RAB31: variants seen among roughly 807,000 people sequenced by gnomAD.
The protein encoded by RAB31 is ras-related protein Rab-31.
In RAB31, 21 loss-of-function variants were observed where a neutral mutation model predicts 25.6. The ratio of observed to expected loss-of-function variants is 0.82; its 90% CI spans 0.58 to 1.18. RAB31 has a LOEUF of 1.18. RAB31 is among the 50% of genes most tolerant of loss of function. The pLI is 0.00. For missense variants in RAB31, 196 were observed against 250.1 expected (o/e 0.78, Z 1.46); for synonymous variants, 87 against 84.0 (o/e 1.04, Z -0.20).
At chr18:9,841,254 A>G (rs983129010) in intron 5 of RAB31, among the ~76,000 whole-genome samples, 8 of 150,314 alleles carry the variant, frequency 5.3e-5, no homozygotes, top group Non-Finnish European at 7.4e-5. Flanking sequence ...AAAGATCTCA[A>G]TTGGGCCAGG....
intron 2 of RAB31, among the ~76,000 whole-genome samples, chr18:9,777,011 A>G (rs77009901): frequency 0.011 from 1,744 of 152,266 alleles, 37 homozygotes; most frequent in African/African-American, 0.04. Flanking sequence ...GGGATGCTCA[A>G]CTGGGTAAGT....
rs117939991 is a variant in RAB31, at chr18:9,812,513, A to T, written c.202-1507A>T. Among the ~76,000 whole-genome samples, 725 of 151,926 alleles carry T rather than the reference A, an allele frequency of 4.8e-3. 3 individuals are homozygous for T. Among genetic ancestry groups the T allele is most frequent in the Non-Finnish European group, 7.6e-3 (514 of 68,012 alleles). On this transcript the variant is annotated intron_variant, in intron 3 of 6. Transcript: ENST00000578921. ...AGCACAAATCTTTTTACAATTTAAT[A>T]ATTTATAAGTGTCTCCTTATTTTTA... is the stretch of plus-strand genomic sequence containing the variant.
At chr18:9,807,722 C>T (rs1279706726) in intron 3 of RAB31, among the ~76,000 whole-genome samples, 1 of 152,010 alleles carries the variant, frequency 6.6e-6, no homozygotes, top group Non-Finnish European at 1.5e-5. Flanking sequence ...GCCTTTAATT[C>T]CAGCACTTTG....
intron 1 of RAB31, among the ~76,000 whole-genome samples, chr18:9,744,056 G>A (rs2068193345): frequency 6.6e-6 from 1 of 152,202 alleles, no homozygotes; most frequent in Non-Finnish European, 1.5e-5. Flanking sequence ...TTTAGCGGTG[G>A]AGTTGCCTCC....
chr18:9,746,629 T>C (rs898848724), intron 1 of RAB31, among the ~76,000 whole-genome samples: 7 of 152,360 alleles, frequency 4.6e-5, no homozygotes, highest in Admixed American at 3.3e-4. Context: ...TTATGGTGAC[T>C]GATTTTCAAT....
intron 1 of RAB31, among the ~76,000 whole-genome samples, chr18:9,772,394 T>A (rs974427549): frequency 1.3e-5 from 2 of 151,848 alleles, no homozygotes; most frequent in African/African-American, 4.8e-5. Context: ...AATCGAGGAG[T>A]TGTCTCCTGA....
intron 1 of RAB31, among the ~76,000 whole-genome samples, chr18:9,727,894 A>G (rs1253832112): frequency 1.3e-5 from 2 of 152,256 alleles, no homozygotes; most frequent in African/African-American, 2.4e-5. Context: ...TAATTAACAC[A>G]TTCATTATCT....
At chr18:9,849,813 C>T (rs891240102) in intron 6 of RAB31, among the ~76,000 whole-genome samples, 1 of 152,076 alleles carries the variant, frequency 6.6e-6, no homozygotes, top group Non-Finnish European at 1.5e-5. Flanking sequence ...CAGGAAATGT[C>T]GTGGTGCTTT....
In RAB31 at chr18:9,792,241, T is replaced by C; in HGVS notation, c.201+6T>C. 1.9e-6 allele frequency: 3 copies of C among 1,608,188 alleles called. No individual in the cohort carries two copies. Among genetic ancestry groups the C allele is most frequent in the Non-Finnish European group, 2.5e-6 (3 of 1,177,030 alleles). On this transcript the variant is annotated splice_donor_region_variant and intron_variant, in intron 3 of 6. Transcript: ENST00000578921. Reference sequence around the variant, plus strand: ...ACACTGCTGGTCAGGAACGGGTGAGTATATGCTGTTTTTTGGTGAAAACAA... The same window carrying C: ...ACACTGCTGGTCAGGAACGGGTGAGCATATGCTGTTTTTTGGTGAAAACAA...
At chr18:9,847,808 A>G (rs967591709) in intron 6 of RAB31, among the ~76,000 whole-genome samples, 39 of 152,268 alleles carry the variant, frequency 2.6e-4, no homozygotes, top group African/African-American at 9.1e-4. Context: ...TCCTGAGCTC[A>G]AGCAATCTTC....
chr18:9,720,423 G>A (rs12959069), intron 1 of RAB31, among the ~76,000 whole-genome samples: 1 of 152,328 alleles, frequency 6.6e-6, no homozygotes, highest in African/African-American at 2.4e-5. Flanking sequence ...CAGATGCTTA[G>A]TTGCCAGATG....
At chr18:9,792,313 A>T in intron 3 of RAB31, 78 bp downstream of exon 3, 7 of 1,519,400 alleles carry the variant, frequency 4.6e-6, no homozygotes, top group Non-Finnish European at 6.2e-6. Flanking sequence ...TTTGCATTAG[A>T]CAAGACTCTT....
At chr18:9,799,046 T>A (rs954634368) in intron 3 of RAB31, among the ~76,000 whole-genome samples, 1 of 152,156 alleles carries the variant, frequency 6.6e-6, no homozygotes, top group Non-Finnish European at 1.5e-5. Context: ...ATTGCACCAC[T>A]GTACCCCAAT....
chr18:9,799,347 T>A (rs2068502656), intron 3 of RAB31, among the ~76,000 whole-genome samples: 1 of 152,234 alleles, frequency 6.6e-6, no homozygotes, highest in Non-Finnish European at 1.5e-5. Flanking sequence ...AGCATTCTGG[T>A]TAATGTCCTA....
At chr18:9,845,839 G>T in intron 6 of RAB31, 148 bp downstream of exon 6, 4 of 1,221,214 alleles carry the variant, frequency 3.3e-6, no homozygotes, top group Non-Finnish European at 4.3e-6. Flanking sequence ...CTATGCAGTT[G>T]TTAATACCCA....
At chr18:9,829,775 A>G (rs538421098) in intron 5 of RAB31, among the ~76,000 whole-genome samples, 40 of 152,180 alleles carry the variant, frequency 2.6e-4, no homozygotes, top group Admixed American at 9.2e-4. Flanking sequence ...TAAAGTTGTC[A>G]TCTTTTTATA....
chr18:9,759,165 C>T (rs1323610452), intron 1 of RAB31, among the ~76,000 whole-genome samples: 2 of 152,000 alleles, frequency 1.3e-5, no homozygotes, highest in Non-Finnish European at 2.9e-5. Context: ...ACTTAGAGGA[C>T]ATTTATCTAT....
intron 3 of RAB31, among the ~76,000 whole-genome samples, chr18:9,802,646 T>G (rs956144632): frequency 1.3e-5 from 2 of 152,244 alleles, no homozygotes; most frequent in African/African-American, 4.8e-5. Context: ...CCATACCGCT[T>G]GTTCACCTCC....
intron 5 of RAB31, among the ~76,000 whole-genome samples, chr18:9,820,555 A>G (rs1363729089): frequency 6.6e-6 from 1 of 152,016 alleles, no homozygotes; most frequent in Non-Finnish European, 1.5e-5. Flanking sequence ...TCTGTTTTCT[A>G]GAAGAGTTTG....
Sources: allele counts gnomAD v4.1 joint callset (sites outside exome capture counted in the v4.1 genomes callset), GRCh38; gene constraint gnomAD v4.1.1; transcripts MANE v1.5; gene names NCBI Gene and HGNC (gene_info 2026-07-23, HGNC 2026-07-21).